The following CSMD1 variants were observed in gnomAD, a reference collection of about 807,000 sequenced individuals.
CSMD1 encodes CUB and sushi domain-containing protein 1.
Under a neutral mutation model 417.5 loss-of-function variants are expected in CSMD1, and 213 were observed. The ratio of observed to expected loss-of-function variants is 0.51; its 90% confidence interval spans 0.46 to 0.57. CSMD1 has a LOEUF of 0.57. Among genes scored for constraint, CSMD1 ranks in the 20% least tolerant of loss-of-function variants. CSMD1 has a pLI of 0.00. For synonymous variants in CSMD1, 2,862 were observed against 1,736.8 expected (o/e 1.65, Z -16.11); for missense variants, 6,923 against 4,529.7 (o/e 1.53, Z -15.17).
At chr8:4,068,537 CAT>C (rs1412653002) in intron 3 of CSMD1, among the ~76,000 whole-genome samples, 3 of 152,256 alleles carry the variant, frequency 2.0e-5, no homozygotes, top group Non-Finnish European at 4.4e-5. Context: ...AATGCAGAAA[CAT>C]AAAATGTATC....
intron 10 of CSMD1, among the ~76,000 whole-genome samples, chr8:3,537,991 C>T (rs1463015450): frequency 6.6e-6 from 1 of 152,102 alleles, no homozygotes; most frequent in Non-Finnish European, 1.5e-5. Flanking sequence ...TTATCATATC[C>T]TCATTAGAGA....
At chr8:4,397,202 T>TA (rs926822944) in intron 3 of CSMD1, among the ~76,000 whole-genome samples, 80 of 151,954 alleles carry the variant, frequency 5.3e-4, no homozygotes, top group East Asian at 9.7e-4. Flanking sequence ...GATCCTATTT[T>TA]AAAAAAAACA....
intron 22 of CSMD1, 22 bp downstream of exon 22, chr8:3,347,970 T>C: frequency 1.3e-6 from 2 of 1,532,222 alleles, no homozygotes; most frequent in Non-Finnish European, 8.8e-7. Flanking sequence ...GGAGTCATCA[T>C]GTTGGAGAAG....
At chr8:3,218,600 G>A (rs534925480) in intron 29 of CSMD1, among the ~76,000 whole-genome samples, 7 of 150,956 alleles carry the variant, frequency 4.6e-5, no homozygotes, top group East Asian at 2.0e-4. Flanking sequence ...GGCTGGGCAC[G>A]GTGACTCACG....
chr8:4,495,500 A>T (rs1801935442), intron 2 of CSMD1, among the ~76,000 whole-genome samples: 1 of 152,082 alleles, frequency 6.6e-6, no homozygotes, highest in South Asian at 2.1e-4. Context: ...GCTTGAACTC[A>T]GGAGGCAGAA....
chr8:4,843,383 A>T lies in CSMD1; in HGVS notation c.85+150949T>A, dbSNP rs147096901. Among the ~76,000 whole-genome samples the T allele has an allele frequency of 2.2e-3, 332 of 152,300 alleles. 2 individuals are homozygous for T. The highest frequency in any genetic ancestry group is 7.7e-3 in the African/African-American group (319 of 41,560). ...ATACCTTAGGGATGATTACGACCTTAAGAACCCTTCATTGTTTTCATGACT... is the reference window on the plus strand; with the variant it reads ...ATACCTTAGGGATGATTACGACCTTTAGAACCCTTCATTGTTTTCATGACT... On this transcript the variant is annotated intron_variant, in intron 1 of 69. Transcript: ENST00000635120.
intron 4 of CSMD1, among the ~76,000 whole-genome samples, chr8:4,022,629 C>A (rs758541473): frequency 1.4e-4 from 21 of 152,136 alleles, no homozygotes; most frequent in African/African-American, 5.1e-4. Flanking sequence ...AGAAACCATT[C>A]TGGAACCCTC....
chr8:3,923,785 G>A (rs1331052723), intron 5 of CSMD1, among the ~76,000 whole-genome samples: 1 of 152,038 alleles, frequency 6.6e-6, no homozygotes, highest in Non-Finnish European at 1.5e-5. Flanking sequence ...TTTTCACCAA[G>A]CTCATAGTTA....
intron 1 of CSMD1, among the ~76,000 whole-genome samples, chr8:4,799,950 A>T (rs11777650): frequency 6.6e-6 from 1 of 151,934 alleles, no homozygotes; most frequent in Non-Finnish European, 1.5e-5. Context: ...ACCCTCGAAC[A>T]TGCAGACTAC....
At chr8:4,954,495 C>T (rs143708279) in intron 1 of CSMD1, among the ~76,000 whole-genome samples, 44 of 152,242 alleles carry the variant, frequency 2.9e-4, no homozygotes, top group African/African-American at 1.0e-3. Context: ...CGTGGCACAA[C>T]AGAATAGATG....
At chr8:4,717,002 T>C (rs892529079) in intron 1 of CSMD1, among the ~76,000 whole-genome samples, 2 of 152,126 alleles carry the variant, frequency 1.3e-5, no homozygotes. Context: ...TATAGAAGCC[T>C]GGGTTGATGA....
intron 26 of CSMD1, among the ~76,000 whole-genome samples, chr8:3,282,703 T>G (rs944454477): frequency 6.6e-6 from 1 of 152,214 alleles, no homozygotes; most frequent in African/African-American, 2.4e-5. Flanking sequence ...TGCAAATCAC[T>G]GTTCAGAGCA....
chr8:4,865,893 T>A (rs941332336), intron 1 of CSMD1, among the ~76,000 whole-genome samples: 1 of 151,886 alleles, frequency 6.6e-6, no homozygotes, highest in African/African-American at 2.4e-5. Context: ...AATCATAGGT[T>A]TGAAAGAAAA....
In CSMD1 at chr8:3,396,319, G is replaced by A. The variant is rs755893726; in HGVS notation, c.2468C>T (p.Pro823Leu). 1 of 1,608,210 alleles carries A rather than the reference G, an allele frequency of 6.2e-7. No homozygotes were observed. Among genetic ancestry groups the A allele is most frequent in the African/African-American group, 1.3e-5 (1 of 74,966 alleles). The part of the protein sequence containing the change: ...EVRDGPASSS[P>L]LIGEYHGTQA... ...GGTGCCGTGGTACTCGCCGATCAGT[G>A]GGGACGAACTGGCTGGCCCATCTCT... is the stretch of plus-strand genomic sequence containing the variant. Residue 823 changes from proline to leucine, a missense_variant, in exon 17 of 70, where the codon CCA (proline) becomes CTA (leucine). Pro to Leu is a moderately conservative substitution (Grantham distance 98, BLOSUM62 -3). Coordinates refer to ENST00000635120, the MANE Select transcript of CSMD1 (RefSeq NM_033225.6).
chr8:3,642,611 T>C (rs979584997), intron 7 of CSMD1, among the ~76,000 whole-genome samples: 7 of 152,096 alleles, frequency 4.6e-5, no homozygotes, highest in Non-Finnish European at 8.8e-5. Context: ...CGAGAAAACC[T>C]GGCATCGTGA....
chr8:4,792,457 C>G (rs1797743824), intron 1 of CSMD1, among the ~76,000 whole-genome samples: 4 of 152,166 alleles, frequency 2.6e-5, no homozygotes, highest in Admixed American at 2.0e-4. Context: ...TTGAACTCAT[C>G]AGCTGTTCTG....
intron 3 of CSMD1, among the ~76,000 whole-genome samples, chr8:4,141,013 T>C (rs2131015961): frequency 6.6e-6 from 1 of 151,334 alleles, no homozygotes; most frequent in Middle Eastern, 3.4e-3. Flanking sequence ...AGACAGGTAA[T>C]ATTCCTTACA....
At chr8:3,613,702 A>AAC (rs61391436) in intron 8 of CSMD1, among the ~76,000 whole-genome samples, 6,839 of 144,702 alleles carry the variant, frequency 0.047, 170 homozygotes, top group African/African-American at 0.06. Context: ...GTCAGATTAA[A>AAC]ACACACACAC....
At chr8:4,589,096 C>G (rs1338478996) in intron 2 of CSMD1, among the ~76,000 whole-genome samples, 1 of 151,906 alleles carries the variant, frequency 6.6e-6, no homozygotes, top group Non-Finnish European at 1.5e-5. Context: ...TGTCCTTAGA[C>G]TATCTTTAAT....
Sources: gnomAD v4.1 joint callset for allele counts (sites outside exome capture counted in the v4.1 genomes callset) on GRCh38, gnomAD v4.1.1 for gene constraint, MANE v1.5 for transcripts, NCBI Gene and HGNC (gene_info 2026-07-23, HGNC 2026-07-21) for gene names.